The following PTPN6 variants were observed in gnomAD, a reference collection of about 807,000 sequenced individuals.
PTPN6 encodes protein tyrosine phosphatase non-receptor type 6.
In PTPN6, 18 loss-of-function variants were observed where a neutral mutation model predicts 81.5. That is an observed-to-expected ratio of 0.22 (90% CI 0.15 to 0.33). PTPN6 has a LOEUF of 0.33. Among genes scored for constraint, PTPN6 ranks in the 10% least tolerant of loss-of-function variants. The probability of loss-of-function intolerance (pLI) is 1.00; values close to 1 mark genes in which losing one functional copy is unlikely to be tolerated. For synonymous variants in PTPN6, 301 were observed against 310.9 expected (o/e 0.97, Z 0.33); for missense variants, 500 against 794.2 (o/e 0.63, Z 4.45).
At chr12:6,946,664 G>A, upstream of PTPN6, 3 of 1,442,408 alleles carry the variant, frequency 2.1e-6, no homozygotes, top group Non-Finnish European at 2.9e-6. Context: ...GCACAGCTGT[G>A]CCGCTGGCTC....
chr12:6,952,428 C>A lies in PTPN6; in HGVS notation c.326+251C>A, dbSNP rs1049721061. 2 of 568,124 alleles carry A rather than the reference C, an allele frequency of 3.5e-6. No homozygotes were observed. The highest frequency in any genetic ancestry group is 3.8e-5 in the African/African-American group (2 of 53,326). 35.2% of individuals were successfully genotyped at this position (568,124 alleles called of 1,614,324 possible). A position where few individuals can be genotyped will look rare whatever the true frequency, so the allele number is the denominator to read the frequency against. On this transcript the variant is annotated intron_variant, in intron 3 of 15. Coordinates refer to ENST00000318974, the MANE Select transcript of PTPN6 (RefSeq NM_002831.6). This position sits in a 1 kb window ranked among gnomAD's most constrained non-coding sequence, Gnocchi z 8.1. ...AAGCTGCCTCGCCCTACTCCGGGAGCCCTGGCCGCTGCAACCCAGGTCCCA... is the reference window on the plus strand; with the variant it reads ...AAGCTGCCTCGCCCTACTCCGGGAGACCTGGCCGCTGCAACCCAGGTCCCA...
chr12:6,960,989 T>C lies in PTPN6; in HGVS notation c.*25+44T>C. ...GGTGTCCTCCCTGCCCTGCCCTGTG[T>C]CCTTGGCTCCACTGCCTTCCCTGGG... On this transcript the variant is annotated intron_variant, in intron 15 of 15. Coordinates refer to ENST00000318974, the MANE Select transcript of PTPN6 (RefSeq NM_002831.6). This position sits in a 1 kb window ranked among gnomAD's most constrained non-coding sequence, Gnocchi z 6.1. 2 of 1,549,418 alleles carry C rather than the reference T, an allele frequency of 1.3e-6. No individual in the cohort carries two copies. Among genetic ancestry groups the C allele is most frequent in the Non-Finnish European group, 1.7e-6 (2 of 1,146,856 alleles).
Position 6,957,836 on chromosome 12 carries a change from G to T in PTPN6, c.1206+51G>T. ...ATTCCGGGAGTCCCTCCCTGGACTTGTTCTCCTCTCTGGTCGGGTAGGGTG... is the reference window on the plus strand; with the variant it reads ...ATTCCGGGAGTCCCTCCCTGGACTTTTTCTCCTCTCTGGTCGGGTAGGGTG... On this transcript the variant is annotated intron_variant, in intron 10 of 15. Coordinates refer to ENST00000318974, the MANE Select transcript of PTPN6 (RefSeq NM_002831.6). This position sits in a 1 kb window ranked among gnomAD's most constrained non-coding sequence, Gnocchi z 6.5. 6.2e-7 allele frequency: 1 copy of T among 1,614,054 alleles called. No individual in the cohort carries two copies. Among genetic ancestry groups the T allele is most frequent in the Non-Finnish European group, 8.5e-7 (1 of 1,180,004 alleles).
chr12:6,955,192 C>T lies in PTPN6; in HGVS notation c.558C>T (p.Ser186=). 1 of 1,614,220 alleles carries T rather than the reference C, an allele frequency of 6.2e-7. No homozygotes were observed. Among genetic ancestry groups the T allele is most frequent in the Admixed American group, 1.7e-5 (1 of 60,028 alleles). ...TGGGTGGTTTGGAGACCTTCGACAG[C>T]CTCACGGACCTGGTGGAGCATTTCA... ...YTVGGLETFD[S]LTDLVEHFKK... is the part of the protein sequence containing the mutation. Residue 186 remains serine (S), a synonymous_variant, in exon 5 of 16, where the codon AGC becomes AGT. Transcript: ENST00000318974. The surrounding 1 kb of genome is among the most constrained non-coding windows in gnomAD (Gnocchi z 7.2).
rs1946032928 is a variant in PTPN6 at position 6,956,451 on chromosome 12, G to A, written c.957G>A (p.Lys319=). The part of the protein sequence containing the change: ...NQLLGPDENA[K]TYIASQGCLE... ...TGCTAGGCCCTGATGAGAACGCTAA[G>A]ACCTACATCGCCAGCCAGGGTTGTC... The change falls in exon 9 of 16, where the codon AAG becomes AAA. Residue 319 remains lysine (K), a synonymous_variant. Transcript: ENST00000318974. This position sits in a 1 kb window ranked among gnomAD's most constrained non-coding sequence, Gnocchi z 4.1. 2 of 1,614,024 alleles carry A rather than the reference G, an allele frequency of 1.2e-6. No homozygotes were observed. Among genetic ancestry groups the A allele is most frequent in the African/African-American group, 1.3e-5 (1 of 74,928 alleles).
At chr12:6,953,888 C>A (rs1945972473) in intron 3 of PTPN6, among the ~76,000 whole-genome samples, 1 of 152,140 alleles carries the variant, frequency 6.6e-6, no homozygotes, top group Non-Finnish European at 1.5e-5. Context: ...CCTCCTTCCC[C>A]CCATCCCTGC....
At chr12:6,953,282 G>A (rs1289007153) in intron 3 of PTPN6, 1 of 152,026 alleles carries the variant, frequency 6.6e-6, no homozygotes, top group Non-Finnish European at 1.5e-5. Flanking sequence ...GCAACACTCA[G>A]GGGGCTTTTG....
At chr12:6,946,810 T>A (rs1555146889), upstream of PTPN6, 2 of 1,480,984 alleles carry the variant, frequency 1.4e-6, no homozygotes, top group African/African-American at 2.8e-5. Flanking sequence ...TTGTTGATGC[T>A]CACTCCGACG....
chr12:6,960,236 G>C lies in PTPN6; in HGVS notation c.1578G>C (p.Leu526=). Residue 526 remains leucine, a synonymous_variant, in exon 13 of 16, where the codon CTG becomes CTC. Coordinates refer to ENST00000318974, the MANE Select transcript of PTPN6 (RefSeq NM_002831.6). This position sits in a 1 kb window ranked among gnomAD's most constrained non-coding sequence, Gnocchi z 6.1. The part of the protein sequence containing the change: ...IETTKKKLEV[L]QSQKGQESEY... ...CCACTAAGAAGAAGCTGGAGGTCCT[G>C]CAGGTGCGTGCAGAGCAGGGCCTGG... 1 of 1,600,696 alleles carries C rather than the reference G, an allele frequency of 6.2e-7. No homozygotes were observed. The highest frequency in any genetic ancestry group is 2.2e-5 in the East Asian group (1 of 44,484).
In PTPN6 at chr12:6,955,390, G is replaced by GTGAATGCGGC; in HGVS notation, c.656_665dup (p.Asp222GlufsTer4). 6.2e-7 allele frequency: 1 copy of GTGAATGCGGC among 1,614,154 alleles called. No homozygotes were observed. The highest frequency in any genetic ancestry group is 8.5e-7 in the Non-Finnish European group (1 of 1,180,006). On this transcript the variant is annotated frameshift_variant, in exon 6 of 16. Transcript: ENST00000318974. LOFTEE classifies it high-confidence loss of function. The surrounding 1 kb of genome is among the most constrained non-coding windows in gnomAD (Gnocchi z 7.2). ...ACCCCAGCCGTACTATGCCACGAGG[G>GTGAATGCGGC]TGAATGCGGCTGACATTGAGAACCG...
At chr12:6,947,678 A>G (rs1555147055), upstream of PTPN6, among the ~76,000 whole-genome samples, 1 of 151,910 alleles carries the variant, frequency 6.6e-6, no homozygotes, top group African/African-American at 2.4e-5. Flanking sequence ...CAAAAAAAAA[A>G]AAAAAAAAAG....
intron 3 of PTPN6, among the ~76,000 whole-genome samples, chr12:6,953,969 C>T (rs1341785633): frequency 6.6e-6 from 1 of 152,210 alleles, no homozygotes; most frequent in Admixed American, 6.5e-5. Flanking sequence ...TTCTCACTCT[C>T]TCCCCAGAAG....
chr12:6,952,148 G>A lies in PTPN6; in HGVS notation c.297G>A (p.Pro99=), dbSNP rs782745293. ...RDGTIIHLKY[P]LNCSDPTSER... is the part of the protein sequence containing the mutation. Reference sequence around the variant, plus strand: ...GCACCATCATCCACCTCAAGTACCCGCTGAACTGCTCCGATCCCACTAGTG... The same window carrying A: ...GCACCATCATCCACCTCAAGTACCCACTGAACTGCTCCGATCCCACTAGTG... Residue 99 remains proline (P), a synonymous_variant, in exon 3 of 16, where the codon CCG becomes CCA. Coordinates refer to ENST00000318974, the MANE Select transcript of PTPN6 (RefSeq NM_002831.6). This position sits in a 1 kb window ranked among gnomAD's most constrained non-coding sequence, Gnocchi z 8.1. 16 of 1,613,994 alleles carry A rather than the reference G, an allele frequency of 9.9e-6. No homozygotes were observed. Among genetic ancestry groups the A allele is most frequent in the Middle Eastern group, 1.7e-4 (1 of 6,036 alleles).
chr12:6,948,444 A>G (rs1391938187), upstream of PTPN6, among the ~76,000 whole-genome samples: 36 of 151,548 alleles, frequency 2.4e-4, no homozygotes, highest in Admixed American at 6.6e-4. Flanking sequence ...CAAAAAAAAA[A>G]AAAAAAGAGA....
Position 6,957,629 on chromosome 12 carries a change from T to TCCCCCCCC in PTPN6, c.1075-21_1075-20insCCCCCCCC. 14 of 1,521,474 alleles carry TCCCCCCCC rather than the reference T, an allele frequency of 9.2e-6. No homozygotes were observed. The highest frequency in any genetic ancestry group is 4.8e-5 in the East Asian group (2 of 41,896). The allele number at this position is 1,521,474 out of a possible 1,614,324, so 94.2% of individuals were successfully genotyped here. A position where few individuals can be genotyped will look rare whatever the true frequency, so the allele number is the denominator to read the frequency against. Reference sequence around the variant, plus strand: ...CCACAGTGCCCTGCTCTGTGCCTCATCCCCACCCGACCCTCCCTTTCCAGA... The same window carrying TCCCCCCCC: ...CCACAGTGCCCTGCTCTGTGCCTCATCCCCCCCCCCCCACCCGACCCTCCCTTTCCAGA... On this transcript the variant is annotated intron_variant, in intron 9 of 15. Transcript: ENST00000318974. The surrounding 1 kb of genome is among the most constrained non-coding windows in gnomAD (Gnocchi z 6.5).
chr12:6,957,629 T>TCCCCCCCCCCCCC lies in PTPN6; in HGVS notation c.1075-21_1075-20insCCCCCCCCCCCCC. 6.6e-7 allele frequency: 1 copy of TCCCCCCCCCCCCC among 1,521,482 alleles called. No individual in the cohort carries two copies. Among genetic ancestry groups the TCCCCCCCCCCCCC allele is most frequent in the South Asian group, 1.1e-5 (1 of 88,560 alleles). The allele number at this position is 1,521,482 out of a possible 1,614,324, so 94.2% of individuals were successfully genotyped here. A position where few individuals can be genotyped will look rare whatever the true frequency, so the allele number is the denominator to read the frequency against. On this transcript the variant is annotated intron_variant, in intron 9 of 15. Transcript: ENST00000318974. The surrounding 1 kb of genome is among the most constrained non-coding windows in gnomAD (Gnocchi z 6.5). ...CCACAGTGCCCTGCTCTGTGCCTCA[T>TCCCCCCCCCCCCC]CCCCACCCGACCCTCCCTTTCCAGA...
rs1591684437 is a variant in PTPN6, at chr12:6,952,379, A to C, written c.326+202A>C. 6.2e-6 allele frequency: 4 copies of C among 646,050 alleles called. No homozygotes were observed. Among genetic ancestry groups the C allele is most frequent in the Admixed American group, 2.9e-5 (1 of 34,992 alleles). 40.0% of individuals were successfully genotyped at this position (646,050 alleles called of 1,614,324 possible). A position where few individuals can be genotyped will look rare whatever the true frequency, so the allele number is the denominator to read the frequency against. On this transcript the variant is annotated intron_variant, in intron 3 of 15. Transcript: ENST00000318974. This position sits in a 1 kb window ranked among gnomAD's most constrained non-coding sequence, Gnocchi z 8.1. ...CAGAGCCTAACCTACCACCCTTTCC[A>C]CCTAACCCCGAGGAAGCCACAGAAA...
At chr12:6,953,553 CCT>C (rs1277798374) in intron 3 of PTPN6, 1 of 152,248 alleles carries the variant, frequency 6.6e-6, no homozygotes, top group African/African-American at 2.4e-5. Context: ...CAGTGTCACC[CCT>C]GAGCCTGGGA....
rs1945947025 is a variant in PTPN6, at chr12:6,952,559, C to T, written c.326+382C>T. 6 of 351,336 alleles carry T rather than the reference C, an allele frequency of 1.7e-5. No homozygotes were observed. The highest frequency in any genetic ancestry group is 1.5e-4 in the South Asian group (6 of 40,138). 21.8% of individuals were successfully genotyped at this position (351,336 alleles called of 1,614,324 possible). A position where few individuals can be genotyped will look rare whatever the true frequency, so the allele number is the denominator to read the frequency against. ...AATCGAGCCTGCCTTCCTCCGTCTG[C>T]CCCTCACCCCAGCACATGTTAGGAC... On this transcript the variant is annotated intron_variant, in intron 3 of 15. Transcript: ENST00000318974. The surrounding 1 kb of genome is among the most constrained non-coding windows in gnomAD (Gnocchi z 8.1).
Sources: allele counts gnomAD v4.1 joint callset (sites outside exome capture counted in the v4.1 genomes callset), GRCh38; gene constraint gnomAD v4.1.1; non-coding constraint Gnocchi (gnomAD v3.1); transcripts MANE v1.5; gene names NCBI Gene and HGNC (gene_info 2026-07-23, HGNC 2026-07-21).